The following RIGI variants were observed in gnomAD, a reference collection of about 807,000 sequenced individuals.
The protein encoded by RIGI is RNA sensor RIG-I.
chr9:32,462,904 C>G, the RIGI span, among the ~76,000 whole-genome samples: 1 of 152,080 alleles, frequency 6.6e-6, no homozygotes, highest in African/African-American at 2.4e-5. Context: ...GCCTGTAATC[C>G]CAGCACTTTG....
chr9:32,492,944 A>T, the RIGI span, among the ~76,000 whole-genome samples: 1 of 152,216 alleles, frequency 6.6e-6, no homozygotes, highest in Non-Finnish European at 1.5e-5. Flanking sequence ...TACTAACCAT[A>T]ATAACTAAAG....
the RIGI span, among the ~76,000 whole-genome samples, chr9:32,495,583 A>T: frequency 6.6e-6 from 1 of 150,804 alleles, no homozygotes; most frequent in Non-Finnish European, 1.5e-5. Flanking sequence ...ATGATTACTG[A>T]TGTTGAATAT....
chr9:32,476,509 T>TG, the RIGI span, among the ~76,000 whole-genome samples: 4,429 of 151,084 alleles, frequency 0.029, 234 homozygotes, highest in African/African-American at 0.1. Flanking sequence ...CGTCTCTAAG[T>TG]GGGGGAAAAA....
the RIGI span, among the ~76,000 whole-genome samples, chr9:32,522,667 G>C: frequency 6.6e-6 from 1 of 152,288 alleles, no homozygotes; most frequent in South Asian, 2.1e-4. Context: ...TTGTGTCTCA[G>C]AAGAAAACTA....
chr9:32,509,399 A>G, the RIGI span, among the ~76,000 whole-genome samples: 18 of 152,190 alleles, frequency 1.2e-4, no homozygotes, highest in African/African-American at 4.3e-4. Context: ...CTTCCAAAGG[A>G]AGGAACAGGC....
chr9:32,459,230 C>A, the RIGI span: 2 of 1,066,998 alleles, frequency 1.9e-6, no homozygotes, highest in East Asian at 2.8e-5. Flanking sequence ...TTTTTTTTCA[C>A]TTCTTAGCTT....
chr9:32,524,596 G>GTTTTTTTTTTTTTTTTTTTT, the RIGI span, among the ~76,000 whole-genome samples: 20 of 67,580 alleles, frequency 3.0e-4, 1 homozygote, highest in African/African-American at 1.2e-3. Context: ...TTGTTTTTCG[G>GTTTTTTTTTTTTTTTTTTTT]TTTTTTTTTT....
chr9:32,488,615 A>G, the RIGI span: 1 of 1,083,344 alleles, frequency 9.2e-7, no homozygotes, highest in Non-Finnish European at 1.3e-6. Context: ...TAACATCTGG[A>G]TTATAAAAAA....
At chr9:32,484,111 T>C in the RIGI span, among the ~76,000 whole-genome samples, 1 of 152,024 alleles carries the variant, frequency 6.6e-6, no homozygotes, top group Non-Finnish European at 1.5e-5. Context: ...AATATAACAT[T>C]GGAAAGATAA....
At chr9:32,467,931 TC>T in the RIGI span, 1 of 1,583,216 alleles carries the variant, frequency 6.3e-7, no homozygotes, top group African/African-American at 1.3e-5. Context: ...GGAGGGTCAT[TC>T]CTGTGTCAGA....
chr9:32,504,069 C>CACACACACACACACACA, the RIGI span, among the ~76,000 whole-genome samples: 11 of 48,742 alleles, frequency 2.3e-4, no homozygotes, highest in South Asian at 1.6e-3. Context: ...ACACACACAC[C>CACACACACACACACACA]CAGGTCTGCC....
the RIGI span, among the ~76,000 whole-genome samples, chr9:32,498,064 G>A: frequency 6.6e-6 from 1 of 152,172 alleles, no homozygotes; most frequent in Non-Finnish European, 1.5e-5. Flanking sequence ...CTCCATTGCT[G>A]ATTTCAACCA....
chr9:32,508,254 T>TTTTTTTTTTTTTTTTTTTTTTTTTG, the RIGI span, among the ~76,000 whole-genome samples: 1 of 141,284 alleles, frequency 7.1e-6, no homozygotes, highest in African/African-American at 2.6e-5. Context: ...TTTTTTTTTT[T>TTTTTTTTTTTTTTTTTTTTTTTTTG]TTTTACTATA....
At chr9:32,488,711 G>T in the RIGI span, 13 of 1,502,886 alleles carry the variant, frequency 8.7e-6, no homozygotes, top group Non-Finnish European at 1.2e-5. Flanking sequence ...AGAAAAAGAA[G>T]TTGAAGCAAC....
At chr9:32,488,997 G>A in the RIGI span, 1 of 862,742 alleles carries the variant, frequency 1.2e-6, no homozygotes, top group South Asian at 2.5e-5. Flanking sequence ...CTAATTAATT[G>A]ATAATTTAAA....
the RIGI span, chr9:32,488,949 G>T: frequency 6.9e-7 from 1 of 1,441,696 alleles, no homozygotes; most frequent in Non-Finnish European, 9.3e-7. Flanking sequence ...TCTCTGGAAA[G>T]GTGTTTATTT....
the RIGI span, among the ~76,000 whole-genome samples, chr9:32,459,055 A>T: frequency 6.6e-6 from 1 of 151,976 alleles, no homozygotes; most frequent in Non-Finnish European, 1.5e-5. Context: ...CGCCCAGCTA[A>T]CTTTTTTATT....
At chr9:32,489,301 G>T in the RIGI span, 1 of 1,413,158 alleles carries the variant, frequency 7.1e-7, no homozygotes, top group Non-Finnish European at 9.8e-7. Context: ...GAAAAAAAAG[G>T]AAGCAAACAG....
the RIGI span, among the ~76,000 whole-genome samples, chr9:32,524,596 G>GTTTTTTTTTTTTTTTTTTTTT: frequency 5.6e-4 from 38 of 67,578 alleles, 2 homozygotes; most frequent in African/African-American, 2.1e-3. Flanking sequence ...TTGTTTTTCG[G>GTTTTTTTTTTTTTTTTTTTTT]TTTTTTTTTT....
Sources: gnomAD v4.1 joint callset for allele counts (sites outside exome capture counted in the v4.1 genomes callset) on GRCh38, gnomAD v4.1.1 for gene constraint, MANE v1.5 for transcripts, NCBI Gene and HGNC (gene_info 2026-07-23, HGNC 2026-07-21) for gene names.